The following HROB variants were observed in gnomAD, a reference collection of about 807,000 sequenced individuals.
The protein encoded by HROB is homologous recombination OB-fold protein.
Under a neutral mutation model 61.0 loss-of-function variants are expected in HROB, and 44 were observed. The observed-to-expected ratio is 0.72, with a 90% CI of 0.57 to 0.93. The LOEUF (loss-of-function observed/expected upper bound fraction) is 0.93. HROB is among the 40% of genes least tolerant of loss of function. HROB has a pLI of 0.00. For synonymous variants in HROB, 301 were observed against 310.4 expected (o/e 0.97, Z 0.32); for missense variants, 716 against 796.2 (o/e 0.90, Z 1.21).
chr17:44,149,407 C>A (rs1328760897), intron 3 of HROB, among the ~76,000 whole-genome samples: 1 of 152,054 alleles, frequency 6.6e-6, no homozygotes, highest in Non-Finnish European at 1.5e-5. Context: ...CGCCACCATG[C>A]CTGGCTAATT....
chr17:44,162,147 C>T lies in HROB; in HGVS notation c.*215C>T, dbSNP rs557276595. ...TTCCTTTGCCGTTGGCACCAGAATC[C>T]GGCCGGAGACTGGCTCTCCAGCCAA... On this transcript the variant is annotated 3_prime_UTR_variant, in exon 10 of 10. Coordinates refer to ENST00000585683, the MANE Select transcript of HROB (RefSeq NM_001171251.3). 3.1e-5 allele frequency: 16 copies of T among 519,990 alleles called. No individual in the cohort carries two copies. The highest frequency in any genetic ancestry group is 1.8e-4 in the South Asian group (7 of 38,740). The allele number at this position is 519,990 out of a possible 1,614,324, so 32.2% of individuals were successfully genotyped here. A position where few individuals can be genotyped will look rare whatever the true frequency, so the allele number is the denominator to read the frequency against.
rs1429186137 is a variant in HROB at position 44,157,620 on chromosome 17, G to A, written c.1771-213G>A. ...AGTAGAGATGTGGTTTCACCGTGTT[G>A]GCCAGGCTGGTCTCGAACTCCTGAC... On this transcript the variant is annotated intron_variant, in intron 8 of 9. Coordinates refer to ENST00000585683, the MANE Select transcript of HROB (RefSeq NM_001171251.3). 2.0e-5 allele frequency among the ~76,000 whole-genome samples: 3 copies of A among 151,980 alleles called. No individual in the cohort carries two copies. The South Asian group carries it at 6.2e-4, about 32-fold the overall frequency.
rs761376289 is a variant in HROB, at chr17:44,147,829, C to A, written c.55-29C>A. The A allele has an allele frequency of 2.5e-6, 4 of 1,585,980 alleles. No individual in the cohort carries two copies. In the African/African-American group the frequency reaches 5.4e-5, roughly 21 times the overall value. On this transcript the variant is annotated intron_variant, in intron 2 of 9. Transcript: ENST00000585683. ...AGAGGGGTTCTTGATTTCCAGATGC[C>A]AAGACCTACCATCTCTGCTTCCTTG...
chr17:44,147,194 G>A (rs1598087347), intron 2 of HROB, among the ~76,000 whole-genome samples: 1 of 152,238 alleles, frequency 6.6e-6, no homozygotes, highest in East Asian at 1.9e-4. Flanking sequence ...TGGTTGTTGT[G>A]TGACCTAGGG....
chr17:44,155,656 C>A (rs1209332034), intron 8 of HROB, among the ~76,000 whole-genome samples: 1 of 152,146 alleles, frequency 6.6e-6, no homozygotes, highest in Non-Finnish European at 1.5e-5. Flanking sequence ...TGATGGCAGG[C>A]TTGAACATCT....
rs1374149466 is a variant in HROB at position 44,148,084 on chromosome 17, C to G, written c.281C>G (p.Ser94Ter). The G allele has an allele frequency of 6.2e-7, 1 of 1,614,206 alleles. No homozygotes were observed. Residue 94 changes from serine to a stop codon, truncating the protein, a stop_gained, in exon 3 of 10, where the codon TCA (serine) becomes TGA (stop). Coordinates refer to ENST00000585683, the MANE Select transcript of HROB (RefSeq NM_001171251.3). LOFTEE classifies it high-confidence loss of function. ...ACGCCCAGTGCTGACAGCCGTCCAT[C>G]ATGCATAGGAGCAGCTCCCCTAAGG... ...SSTPSADSRP[S>*]CIGAAPLRPV... is the part of the protein sequence containing the mutation.
Position 44,152,727 on chromosome 17 carries a change from G to C in HROB, c.1399G>C (p.Asp467His), listed in dbSNP as rs1156405102. 4 of 1,614,096 alleles carry C rather than the reference G, an allele frequency of 2.5e-6. No individual in the cohort carries two copies. Among genetic ancestry groups the C allele is most frequent in the Non-Finnish European group, 3.4e-6 (4 of 1,180,044 alleles). ...ATCCACGCTAGGCCTGGATGAGAGAGACCCTAGCTGCTTCCTCTGTACCTA... is the reference window on the plus strand; with the variant it reads ...ATCCACGCTAGGCCTGGATGAGAGACACCCTAGCTGCTTCCTCTGTACCTA... ...MKSTLGLDER[D>H]PSCFLCTYSI... The change falls in exon 5 of 10, where the codon GAC (aspartate) becomes CAC (histidine). Residue 467 changes from aspartate to histidine, a missense_variant. Physicochemically the swap from Asp to His is moderately conservative, Grantham distance 81. Coordinates refer to ENST00000585683, the MANE Select transcript of HROB (RefSeq NM_001171251.3).
intron 9 of HROB, among the ~76,000 whole-genome samples, chr17:44,158,177 G>T (rs2054027736): frequency 6.6e-6 from 1 of 152,136 alleles, no homozygotes. Context: ...CCATTTTCAG[G>T]TTATGTGCCA....
Position 44,142,162 on chromosome 17 carries a change from C to T in HROB, c.3+17C>T. On this transcript the variant is annotated intron_variant, in intron 1 of 9. Coordinates refer to ENST00000585683, the MANE Select transcript of HROB (RefSeq NM_001171251.3). ...GTCGCTATGGTAATGCCGCGCCCAG[C>T]TTGGGGGCTGGCGGGCCGCAGGGCC... is the stretch of plus-strand genomic sequence containing the variant. 6.6e-7 allele frequency: 1 copy of T among 1,516,598 alleles called. No individual in the cohort carries two copies. Among genetic ancestry groups the T allele is most frequent in the Admixed American group, 2.1e-5 (1 of 48,520 alleles). The allele number at this position is 1,516,598 out of a possible 1,614,324, so 93.9% of individuals were successfully genotyped here.
Position 44,157,405 on chromosome 17 carries a change from C to CTTTTTCTTTT in HROB, c.1771-423_1771-422insCTTTTTTTTT, listed in dbSNP as rs2054001691. The stretch of plus-strand genomic sequence containing the variant: ...TCTGCCATACTCTTCCATCATGTTT[C>CTTTTTCTTTT]TTTTTTTTTTTTTTTTTTTTTTTTT... On this transcript the variant is annotated intron_variant, in intron 8 of 9. Coordinates refer to ENST00000585683, the MANE Select transcript of HROB (RefSeq NM_001171251.3). Among the ~76,000 whole-genome samples the CTTTTTCTTTT allele has an allele frequency of 2.5e-5, 2 of 81,478 alleles. 1 individual carries two copies. 53.5% of individuals were successfully genotyped at this position (81,478 alleles called of 152,430 possible). A position where few individuals can be genotyped will look rare whatever the true frequency, so the allele number is the denominator to read the frequency against.
chr17:44,143,525 T>C (rs2053521648), intron 1 of HROB, among the ~76,000 whole-genome samples: 1 of 151,716 alleles, frequency 6.6e-6, no homozygotes, highest in African/African-American at 2.4e-5. Flanking sequence ...TGGCCTGTAA[T>C]CCCAGCTACT....
chr17:44,142,119 C>G lies in HROB; in HGVS notation c.-24C>G. On this transcript the variant is annotated 5_prime_UTR_variant, in exon 1 of 10. Coordinates refer to ENST00000585683, the MANE Select transcript of HROB (RefSeq NM_001171251.3). ...ACTCGGGGTGCCGGGCCAACCTCCC[C>G]GCCGAGGCCCACCCGCCGTCGCTAT... 1 of 1,530,422 alleles carries G rather than the reference C, an allele frequency of 6.5e-7. No individual in the cohort carries two copies. The highest frequency in any genetic ancestry group is 8.7e-7 in the Non-Finnish European group (1 of 1,144,108). The allele number at this position is 1,530,422 out of a possible 1,614,324, so 94.8% of individuals were successfully genotyped here. A position where few individuals can be genotyped will look rare whatever the true frequency, so the allele number is the denominator to read the frequency against.
intron 5 of HROB, among the ~76,000 whole-genome samples, chr17:44,154,126 G>A (rs2053898866): frequency 6.6e-6 from 1 of 151,886 alleles, no homozygotes; most frequent in African/African-American, 2.4e-5. Flanking sequence ...GGTGGATCAC[G>A]AGGTCAGGAG....
At chr17:44,150,655 T>G (rs1223053791) in intron 3 of HROB, among the ~76,000 whole-genome samples, 1 of 152,178 alleles carries the variant, frequency 6.6e-6, no homozygotes, top group Non-Finnish European at 1.5e-5. Flanking sequence ...CCTCCCAAAG[T>G]GCTGGGATTA....
chr17:44,152,889 C>G lies in HROB; in HGVS notation c.1449+112C>G, dbSNP rs2053858603. 4 of 1,310,580 alleles carry G rather than the reference C, an allele frequency of 3.1e-6. No homozygotes were observed. In the East Asian group the frequency reaches 9.5e-5, roughly 31 times the overall value. 81.2% of individuals were successfully genotyped at this position (1,310,580 alleles called of 1,614,324 possible). On this transcript the variant is annotated intron_variant, in intron 5 of 9. Coordinates refer to ENST00000585683, the MANE Select transcript of HROB (RefSeq NM_001171251.3). Reference sequence around the variant, plus strand: ...GCTGTTTGCTCCCTCGTACCCTATACAAGTAGCAGCACGAAGCCCCTTTGG... The same window carrying G: ...GCTGTTTGCTCCCTCGTACCCTATAGAAGTAGCAGCACGAAGCCCCTTTGG...
At position 44,148,475 on chromosome 17, in the gene HROB, C is replaced by T. The variant is rs779804885; in HGVS notation, c.672C>T (p.Ser224=). The change falls in exon 3 of 10, where the codon TCC becomes TCT. Residue 224 remains serine (S), a synonymous_variant. Transcript: ENST00000585683. ...CCATCCACAAAGCGGGTATCATGTCCGCCCAGGATGAGTCTCTAGATCCTG... is the reference window on the plus strand; with the variant it reads ...CCATCCACAAAGCGGGTATCATGTCTGCCCAGGATGAGTCTCTAGATCCTG... The part of the protein sequence containing the change: ...VPAIHKAGIM[S]AQDESLDPVI... 20 of 1,614,118 alleles carry T rather than the reference C, an allele frequency of 1.2e-5. No individual in the cohort carries two copies. The highest frequency in any genetic ancestry group is 1.6e-4 in the Middle Eastern group (1 of 6,062).
chr17:44,148,117 CT>C lies in HROB; in HGVS notation c.315del (p.Thr106LeufsTer12). The C allele has an allele frequency of 6.2e-7, 1 of 1,614,226 alleles. No homozygotes were observed. On this transcript the variant is annotated frameshift_variant, in exon 3 of 10. Coordinates refer to ENST00000585683, the MANE Select transcript of HROB (RefSeq NM_001171251.3). LOFTEE classifies it high-confidence loss of function. ...GGAGCAGCTCCCCTAAGGCCTGTCT[CT>C]ACTTCCAGCAGCTGGATTGGCAATC... Reference protein sequence around the residue: ...CIGAAPLRPVSTSSSWIGNQR... With the variant: ...CIGAAPLRPVXTSSSWIGNQR...
At chr17:44,160,138 C>T (rs902077232) in intron 9 of HROB, among the ~76,000 whole-genome samples, 9 of 152,222 alleles carry the variant, frequency 5.9e-5, no homozygotes, top group East Asian at 1.9e-4. Flanking sequence ...CTTATCAGGG[C>T]GTGACAGAGG....
chr17:44,161,562 T>G (rs568903643), intron 9 of HROB, among the ~76,000 whole-genome samples: 1 of 152,316 alleles, frequency 6.6e-6, no homozygotes, highest in South Asian at 2.1e-4. Context: ...CTCTGAAGCC[T>G]TCTTGTTTGG....
Sources: gnomAD v4.1 joint callset for allele counts (sites outside exome capture counted in the v4.1 genomes callset) on GRCh38, gnomAD v4.1.1 for gene constraint, MANE v1.5 for transcripts, NCBI Gene and HGNC (gene_info 2026-07-23, HGNC 2026-07-21) for gene names.